The following FAM13C variants were observed in gnomAD, a reference collection of about 807,000 sequenced individuals.
The protein encoded by FAM13C is protein FAM13C.
FAM13C carries 37 observed loss-of-function variants against 73.2 expected under a neutral mutation model. The observed-to-expected ratio is 0.51, with a 90% CI of 0.39 to 0.67. The LOEUF is 0.67. FAM13C is among the 30% of genes least tolerant of loss of function. The pLI is 0.00. For missense variants in FAM13C, 589 were observed against 715.6 expected, an observed-to-expected ratio of 0.82 and a Z score of 2.02; for synonymous variants, 246 against 260.9, an observed-to-expected ratio of 0.94 and a Z score of 0.55.
At chr10:59,327,742 A>T (rs183964105) in intron 3 of FAM13C, 125 of 152,176 alleles carry the variant, frequency 8.2e-4, no homozygotes, top group African/African-American at 2.9e-3. Context: ...ATTTTTACCT[A>T]AAAAAACCCC....
chr10:59,336,413 C>G (rs755760736), intron 3 of FAM13C, among the ~76,000 whole-genome samples: 3 of 152,136 alleles, frequency 2.0e-5, no homozygotes, highest in Non-Finnish European at 4.4e-5. Flanking sequence ...AATGTTCACA[C>G]CATGCACTCA....
At chr10:59,252,737 A>G in intron 12 of FAM13C, 62 bp downstream of exon 12, 2 of 1,533,884 alleles carry the variant, frequency 1.3e-6, no homozygotes, top group East Asian at 4.5e-5. Flanking sequence ...GCTCTACTTC[A>G]TATACTGGTA....
At chr10:59,347,937 T>C (rs984004022) in intron 3 of FAM13C, among the ~76,000 whole-genome samples, 3 of 152,324 alleles carry the variant, frequency 2.0e-5, no homozygotes, top group African/African-American at 7.2e-5. Flanking sequence ...TGATGGAACA[T>C]TTCAGTTGGT....
At chr10:59,261,016 C>T (rs529343003) in intron 10 of FAM13C, among the ~76,000 whole-genome samples, 7 of 152,210 alleles carry the variant, frequency 4.6e-5, no homozygotes, top group African/African-American at 7.2e-5. Context: ...TCTTACTACC[C>T]TTGTTAATTG....
chr10:59,286,516 A>AATATATGTCTATATATATAT (rs1845568756), intron 5 of FAM13C, among the ~76,000 whole-genome samples: 1 of 110,932 alleles, frequency 9.0e-6, no homozygotes, highest in African/African-American at 3.4e-5. Context: ...CTCCATCTCA[A>AATATATGTCTATATATATAT]ATATATATAT....
At chr10:59,276,181 C>T (rs529411014) in intron 6 of FAM13C, among the ~76,000 whole-genome samples, 6 of 152,146 alleles carry the variant, frequency 3.9e-5, no homozygotes, top group African/African-American at 1.4e-4. Flanking sequence ...TTATAAATAC[C>T]TTTTGCTTAG....
At chr10:59,304,457 C>G (rs1847966646) in intron 4 of FAM13C, among the ~76,000 whole-genome samples, 1 of 152,022 alleles carries the variant, frequency 6.6e-6, no homozygotes, top group South Asian at 2.1e-4. Flanking sequence ...ATCATATTGC[C>G]TAGTTTGTCT....
intron 6 of FAM13C, among the ~76,000 whole-genome samples, chr10:59,275,176 A>G (rs536110804): frequency 6.6e-6 from 1 of 152,344 alleles, no homozygotes; most frequent in East Asian, 1.9e-4. Context: ...AGACCACTGA[A>G]GGAAATTCCA....
intron 3 of FAM13C, among the ~76,000 whole-genome samples, chr10:59,343,005 T>C (rs139921996): frequency 5.6e-4 from 85 of 152,364 alleles, no homozygotes; most frequent in African/African-American, 1.9e-3. Context: ...ATCCAGATTG[T>C]TAAATCCCCT....
At chr10:59,270,167 A>T (rs1468823767) in intron 6 of FAM13C, 58 bp from the exon 7 acceptor site, 17 of 1,515,226 alleles carry the variant, frequency 1.1e-5, no homozygotes, top group Non-Finnish European at 1.5e-5. Flanking sequence ...TGAGACTGTC[A>T]TGTTCCTAAA....
chr10:59,329,023 C>T (rs947779107), intron 3 of FAM13C, among the ~76,000 whole-genome samples: 5 of 152,072 alleles, frequency 3.3e-5, no homozygotes, highest in Admixed American at 6.6e-5. Context: ...GATGTTTATA[C>T]CCGGATAAAA....
At chr10:59,356,091 A>T (rs748068769) in intron 1 of FAM13C, 148 bp from the exon 2 acceptor site, 2 of 746,022 alleles carry the variant, frequency 2.7e-6, no homozygotes, top group Non-Finnish European at 4.6e-6. Context: ...TCTGATTCCT[A>T]TGTCTCCCAG....
At chr10:59,336,141 G>T (rs1190333772) in intron 3 of FAM13C, among the ~76,000 whole-genome samples, 1 of 152,160 alleles carries the variant, frequency 6.6e-6, no homozygotes, top group Admixed American at 6.5e-5. Flanking sequence ...GGACTACTAG[G>T]CAAAGAGCAC....
chr10:59,276,880 T>C (rs1254877788), intron 6 of FAM13C, among the ~76,000 whole-genome samples: 1 of 152,190 alleles, frequency 6.6e-6, no homozygotes, highest in Non-Finnish European at 1.5e-5. Flanking sequence ...CTTAACAATA[T>C]GCAGCTAAGG....
At chr10:59,279,323 T>C (rs1460817512) in intron 6 of FAM13C, among the ~76,000 whole-genome samples, 1 of 152,210 alleles carries the variant, frequency 6.6e-6, no homozygotes, top group African/African-American at 2.4e-5. Context: ...CAGGTTCTGG[T>C]TGACTCTGAC....
rs188510158 is a variant in FAM13C at position 59,345,419 on chromosome 10, G to T, written c.324+6851C>A. 1.1e-4 allele frequency among the ~76,000 whole-genome samples: 16 copies of T among 152,228 alleles called. 1 individual carries two copies. In the South Asian group the frequency reaches 1.7e-3, roughly 16 times the overall value. ...GGATTTTCCATTTCTGAGATGTATT[G>T]CCCAGGCAAACTAAGTACATCACTT... On this transcript the variant is annotated intron_variant, in intron 3 of 13. Coordinates refer to ENST00000618804, the MANE Select transcript of FAM13C (RefSeq NM_198215.4).
At position 59,262,665 on chromosome 10, in the gene FAM13C, T is replaced by C. The variant is rs2133465615; in HGVS notation, c.1025-20A>G. 3 of 1,601,080 alleles carry C rather than the reference T, an allele frequency of 1.9e-6. No individual in the cohort carries two copies. Among genetic ancestry groups the C allele is most frequent in the Middle Eastern group, 1.7e-4 (1 of 5,828 alleles). On this transcript the variant is annotated intron_variant, in intron 9 of 13. Coordinates refer to ENST00000618804, the MANE Select transcript of FAM13C (RefSeq NM_198215.4). ...TTAGTTCTAAGAGAAATGCTATGAG[T>C]TATCATAAGCAAAGAGAACCCACTA...
intron 4 of FAM13C, among the ~76,000 whole-genome samples, chr10:59,310,999 G>T (rs1287429635): frequency 6.6e-6 from 1 of 152,194 alleles, no homozygotes; most frequent in Non-Finnish European, 1.5e-5. Context: ...ACGTGCAAGG[G>T]AGGAACTTCT....
chr10:59,273,100 A>G (rs1333943848), intron 6 of FAM13C, among the ~76,000 whole-genome samples: 1 of 152,168 alleles, frequency 6.6e-6, no homozygotes, highest in Admixed American at 6.5e-5. Context: ...ATATGGGGAG[A>G]CTACTGTAGT....
Sources: gnomAD v4.1 joint callset for allele counts (sites outside exome capture counted in the v4.1 genomes callset) on GRCh38, gnomAD v4.1.1 for gene constraint, MANE v1.5 for transcripts, NCBI Gene and HGNC (gene_info 2026-07-23, HGNC 2026-07-21) for gene names.